CHODL: variants seen among roughly 807,000 people sequenced by gnomAD.
CHODL encodes the protein chondrolectin.
In CHODL, 29 loss-of-function variants were observed where a neutral mutation model predicts 34.5. That is an observed-to-expected ratio of 0.84 (90% CI 0.63 to 1.15). CHODL has a LOEUF of 1.15. CHODL is among the 50% of genes most tolerant of loss of function. The pLI, the probability that CHODL is intolerant of heterozygous loss-of-function variation, is 0.00. For synonymous variants in CHODL, 125 were observed against 116.1 expected (o/e 1.08, Z -0.49); for missense variants, 332 against 332.5 (o/e 1.00, Z 0.01).
intron 1 of CHODL, among the ~76,000 whole-genome samples, chr21:17,931,972 A>G (rs937279584): frequency 6.6e-6 from 1 of 152,206 alleles, no homozygotes; most frequent in Non-Finnish European, 1.5e-5. Context: ...ATTAAACTAA[A>G]AAGCATCTGC....
chr21:18,221,163 C>G (rs1438898302), intron 2 of CHODL, among the ~76,000 whole-genome samples: 2 of 152,036 alleles, frequency 1.3e-5, no homozygotes, highest in East Asian at 3.9e-4. Context: ...TCTGCTTAAT[C>G]TAGTCTTTTG....
chr21:17,948,298 A>T (rs994359866), intron 1 of CHODL, among the ~76,000 whole-genome samples: 1 of 144,152 alleles, frequency 6.9e-6, no homozygotes, highest in Non-Finnish European at 1.5e-5. Context: ...AAATCTACAA[A>T]GATAAAAAGA....
intron 1 of CHODL, among the ~76,000 whole-genome samples, chr21:17,988,053 T>TA (rs1429497768): frequency 8.5e-6 from 1 of 117,572 alleles, no homozygotes; most frequent in Non-Finnish European, 1.7e-5. Context: ...AAAAATCCCA[T>TA]AAAAAAGTCA....
Position 18,266,049 on chromosome 21 carries a change from A to C in CHODL, c.*11A>C. 1.2e-6 allele frequency: 2 copies of C among 1,613,752 alleles called. No individual in the cohort carries two copies. The highest frequency in any genetic ancestry group is 2.2e-5 in the South Asian group (2 of 91,054). ...GGCATGGAAGTATAATAACTCATTG[A>C]CTTGGTTCCAGAATTTTGTAATTCT... On this transcript the variant is annotated 3_prime_UTR_variant, in exon 6 of 6. Coordinates refer to ENST00000299295, the MANE Select transcript of CHODL (RefSeq NM_024944.3).
intron 2 of CHODL, among the ~76,000 whole-genome samples, chr21:18,163,961 G>A (rs1310085359): frequency 6.6e-6 from 1 of 152,172 alleles, no homozygotes; most frequent in Non-Finnish European, 1.5e-5. Context: ...TTCATTTGTT[G>A]TAGCACAATA....
At chr21:18,053,985 ATATGACATG>A (rs1272470007) in intron 2 of CHODL, among the ~76,000 whole-genome samples, 1 of 151,916 alleles carries the variant, frequency 6.6e-6, no homozygotes, top group East Asian at 1.9e-4. Context: ...TATATGACAT[ATATGACATG>A]TATATATATC....
chr21:18,236,651 G>T (rs1246083427), intron 2 of CHODL, among the ~76,000 whole-genome samples: 1 of 151,976 alleles, frequency 6.6e-6, no homozygotes, highest in Non-Finnish European at 1.5e-5. Context: ...CAGAAAGTGA[G>T]CAGGCAGTTT....
rs539486313 is a variant in CHODL, at chr21:17,954,342, G to T, written c.-145+36942G>T. Among the ~76,000 whole-genome samples the T allele has an allele frequency of 2.0e-5, 3 of 151,958 alleles. No homozygotes were observed. The South Asian group carries it at 6.3e-4, about 32-fold the overall frequency. On this transcript the variant is annotated intron_variant, in intron 1 of 6. Coordinates refer to the CHODL transcript ENST00000400127. ...TGCAAATTTTAACATCCTTGTGAAGGTTAATTTTATGTATAAGCTTGACTG... is the reference window on the plus strand; with the variant it reads ...TGCAAATTTTAACATCCTTGTGAAGTTTAATTTTATGTATAAGCTTGACTG...
intron 2 of CHODL, among the ~76,000 whole-genome samples, chr21:18,165,609 AAGACAC>A (rs1294990237): frequency 6.6e-6 from 1 of 152,188 alleles, no homozygotes; most frequent in Non-Finnish European, 1.5e-5. Context: ...GCTAGCTTCC[AAGACAC>A]AGTCCCTCAA....
chr21:18,038,654 C>T (rs1346560976), intron 2 of CHODL, among the ~76,000 whole-genome samples: 1 of 151,666 alleles, frequency 6.6e-6, no homozygotes, highest in East Asian at 1.9e-4. Flanking sequence ...GGGAAAAATA[C>T]TTGCCAACAA....
At chr21:18,148,332 A>G (rs2072922591) in intron 2 of CHODL, among the ~76,000 whole-genome samples, 1 of 152,224 alleles carries the variant, frequency 6.6e-6, no homozygotes, top group Admixed American at 6.5e-5. Flanking sequence ...CTATCTTTTG[A>G]AAAGATATCA....
intron 2 of CHODL, among the ~76,000 whole-genome samples, chr21:18,188,960 C>T (rs1002014035): frequency 2.0e-5 from 3 of 152,218 alleles, no homozygotes; most frequent in African/African-American, 7.2e-5. Flanking sequence ...ATTGGACAGA[C>T]ATTGCTGGGC....
intron 1 of CHODL, among the ~76,000 whole-genome samples, chr21:17,983,329 A>T (rs1258599075): frequency 6.6e-6 from 1 of 152,184 alleles, no homozygotes; most frequent in Non-Finnish European, 1.5e-5. Flanking sequence ...TTATTTGTAG[A>T]TGTTTTGAAA....
intron 2 of CHODL, among the ~76,000 whole-genome samples, chr21:18,070,278 A>G (rs960053632): frequency 2.0e-5 from 3 of 151,962 alleles, no homozygotes; most frequent in Non-Finnish European, 4.4e-5. Context: ...AAGTAGAAAA[A>G]TAACATTAAT....
chr21:18,060,034 C>T (rs952264364), intron 2 of CHODL, among the ~76,000 whole-genome samples: 1 of 152,110 alleles, frequency 6.6e-6, no homozygotes, highest in African/African-American at 2.4e-5. Context: ...TTCTCCTTCC[C>T]CATTTCAAAC....
intron 1 of CHODL, among the ~76,000 whole-genome samples, chr21:18,012,792 C>T (rs2064031375): frequency 6.6e-6 from 1 of 152,090 alleles, no homozygotes; most frequent in Admixed American, 6.5e-5. Context: ...ACATGGTCAC[C>T]ATGCTGAAAT....
intron 2 of CHODL, among the ~76,000 whole-genome samples, chr21:18,130,485 G>A (rs897432575): frequency 1.3e-5 from 2 of 152,118 alleles, no homozygotes; most frequent in African/African-American, 4.8e-5. Context: ...GAGTGGGTCT[G>A]TGTCAATACA....
intron 2 of CHODL, among the ~76,000 whole-genome samples, chr21:18,135,900 A>C (rs2072716529): frequency 6.6e-6 from 1 of 152,034 alleles, no homozygotes; most frequent in Non-Finnish European, 1.5e-5. Context: ...TGAGGTCAGG[A>C]GATCAAGACA....
At chr21:17,994,084 A>C (rs2063824478) in intron 1 of CHODL, among the ~76,000 whole-genome samples, 1 of 151,442 alleles carries the variant, frequency 6.6e-6, no homozygotes. Flanking sequence ...AATCCTTTAT[A>C]TTGTGTTTTA....
Sources: gnomAD v4.1 joint callset for allele counts (sites outside exome capture counted in the v4.1 genomes callset) on GRCh38, gnomAD v4.1.1 for gene constraint, MANE v1.5 for transcripts, NCBI Gene and HGNC (gene_info 2026-07-23, HGNC 2026-07-21) for gene names.